The following PBX1 variants were observed in gnomAD, a reference collection of about 807,000 sequenced individuals.
PBX1 encodes the protein PBX homeobox 1, also known as pre-B-cell leukemia transcription factor 1.
PBX1 carries 6 observed loss-of-function variants against 53.4 expected under a neutral mutation model. That is an observed-to-expected ratio of 0.11 (90% CI 0.06 to 0.22). The LOEUF is 0.22. Ranked by LOEUF, PBX1 falls within the 10% of genes least tolerant of loss-of-function variation. PBX1 has a pLI of 1.00. For synonymous variants in PBX1, 204 were observed against 212.3 expected (o/e 0.96, Z 0.34); for missense variants, 251 against 551.4 (o/e 0.46, Z 5.46).
intron 3 of PBX1, among the ~76,000 whole-genome samples, chr1:164,793,863 T>TTTTTTTCC (rs142630209): frequency 7.7e-6 from 1 of 129,812 alleles, no homozygotes; most frequent in African/African-American, 3.1e-5. Context: ...TTTCTTTTTT[T>TTTTTTTCC]TTTCCTTTCT....
chr1:164,590,109 A>T (rs1655259322), intron 2 of PBX1, among the ~76,000 whole-genome samples: 1 of 151,482 alleles, frequency 6.6e-6, no homozygotes, highest in Admixed American at 6.6e-5. Context: ...GCTACTCGGG[A>T]GGCTGAGGTG....
intron 2 of PBX1, among the ~76,000 whole-genome samples, chr1:164,743,654 T>TA: frequency 6.6e-6 from 1 of 152,110 alleles, no homozygotes; most frequent in South Asian, 2.1e-4. Context: ...AAAATAAAAT[T>TA]AAAAAATGGT....
At chr1:164,870,210 TTTC>T (rs1438086574) in intron 2 of PBX1, among the ~76,000 whole-genome samples, 4 of 64,514 alleles carry the variant, frequency 6.2e-5, no homozygotes, top group South Asian at 5.6e-4. Context: ...CTTTCTTTCT[TTTC>T]TTTCTTTCCT....
At chr1:164,854,096 A>T (rs1571533215), downstream of PBX1, 1 of 151,846 alleles carries the variant, frequency 6.6e-6, no homozygotes, top group Non-Finnish European at 1.5e-5. Flanking sequence ...AGTAGAGACG[A>T]GGTCTCACCA....
intron 2 of PBX1, among the ~76,000 whole-genome samples, chr1:164,729,391 A>G (rs1205233936): frequency 6.6e-6 from 1 of 151,694 alleles, no homozygotes; most frequent in African/African-American, 2.4e-5. Flanking sequence ...CCTTATCTTT[A>G]TCATCCAAAA....
chr1:164,678,815 A>G (rs1166211359), intron 2 of PBX1, among the ~76,000 whole-genome samples: 2 of 152,158 alleles, frequency 1.3e-5, no homozygotes, highest in Non-Finnish European at 2.9e-5. Context: ...TCGGCATGGT[A>G]GTTTTATGAA....
intron 2 of PBX1, among the ~76,000 whole-genome samples, chr1:164,631,313 G>A (rs570271982): frequency 6.1e-5 from 9 of 146,764 alleles, no homozygotes; most frequent in African/African-American, 2.3e-4. Flanking sequence ...AGTATTCAAA[G>A]TGCTTTCTGA....
chr1:164,843,408 C>A (rs1671403451), intron 8 of PBX1, among the ~76,000 whole-genome samples: 1 of 152,104 alleles, frequency 6.6e-6, no homozygotes, highest in Admixed American at 6.5e-5. Context: ...CCAAAAGTCT[C>A]ATTTTGCTCA....
intron 6 of PBX1, chr1:164,819,726 A>G (rs777005871): frequency 3.9e-5 from 7 of 177,516 alleles, no homozygotes; most frequent in Non-Finnish European, 8.3e-5. Context: ...GGCCAACCCT[A>G]GAATTTTAGA....
intron 2 of PBX1, among the ~76,000 whole-genome samples, chr1:164,622,503 T>C (rs766371432): frequency 1.4e-4 from 22 of 152,180 alleles, no homozygotes; most frequent in Non-Finnish European, 2.9e-4. Context: ...GTGACCAAGG[T>C]ATAGCTCACT....
At chr1:164,717,112 T>C (rs1664144816) in intron 2 of PBX1, among the ~76,000 whole-genome samples, 1 of 152,188 alleles carries the variant, frequency 6.6e-6, no homozygotes, top group South Asian at 2.1e-4. Flanking sequence ...CCATTTTCTC[T>C]GCATCTCAGT....
chr1:164,628,281 A>T (rs952321628), intron 2 of PBX1, among the ~76,000 whole-genome samples: 1 of 152,208 alleles, frequency 6.6e-6, no homozygotes, highest in South Asian at 2.1e-4. Context: ...GATACTTTAG[A>T]AGCATATTTT....
chr1:164,659,801 G>A (rs114908844), intron 2 of PBX1, among the ~76,000 whole-genome samples: 1 of 152,346 alleles, frequency 6.6e-6, no homozygotes, highest in African/African-American at 2.4e-5. Context: ...GGTAGCAGCA[G>A]AATCGAGGGT....
intron 2 of PBX1, among the ~76,000 whole-genome samples, chr1:164,726,208 T>G (rs192810817): frequency 1.4e-4 from 21 of 152,358 alleles, no homozygotes; most frequent in Non-Finnish European, 2.6e-4. Context: ...AACGTTTTGG[T>G]CAACCCACGG....
chr1:164,588,581 G>A (rs1655124120), intron 2 of PBX1, among the ~76,000 whole-genome samples: 1 of 146,294 alleles, frequency 6.8e-6, no homozygotes, highest in African/African-American at 2.5e-5. Flanking sequence ...AAAGCAATGA[G>A]TTTCATCTGT....
chr1:164,811,821 G>A (rs1000355804), intron 5 of PBX1, among the ~76,000 whole-genome samples, 169 bp from the exon 6 acceptor site: 1 of 152,122 alleles, frequency 6.6e-6, no homozygotes, highest in Admixed American at 6.5e-5. Flanking sequence ...TTATGTAGTT[G>A]TCCTTTTGAA....
Position 164,847,347 on chromosome 1 carries a change from T to A in PBX1, c.*671T>A. The A allele has an allele frequency of 9.4e-7, 1 of 1,064,960 alleles. No individual in the cohort carries two copies. The highest frequency in any genetic ancestry group is 1.1e-6 in the Non-Finnish European group (1 of 879,062). The allele number at this position is 1,064,960 out of a possible 1,614,324, so 66.0% of individuals were successfully genotyped here. A position where few individuals can be genotyped will look rare whatever the true frequency, so the allele number is the denominator to read the frequency against. On this transcript the variant is annotated 3_prime_UTR_variant, in exon 9 of 9. Coordinates refer to ENST00000420696, the MANE Select transcript of PBX1 (RefSeq NM_002585.4). ...TCTAAAGGTGCCACATTTTTCAGTT[T>A]CATCTCCACTAGGTTGGTTCCCGGG...
At chr1:164,781,104 A>G (rs1667913414) in intron 2 of PBX1, among the ~76,000 whole-genome samples, 1 of 152,152 alleles carries the variant, frequency 6.6e-6, no homozygotes, top group African/African-American at 2.4e-5. Context: ...GTGGTGATGG[A>G]TCATCCACAT....
chr1:164,828,924 T>C (rs1375240169), intron 8 of PBX1: 2 of 152,198 alleles, frequency 1.3e-5, no homozygotes, highest in African/African-American at 2.4e-5. Context: ...GTTTTAAAAT[T>C]GGTAATTTTT....
Sources: gnomAD v4.1 joint callset for allele counts (sites outside exome capture counted in the v4.1 genomes callset) on GRCh38, gnomAD v4.1.1 for gene constraint, MANE v1.5 for transcripts, NCBI Gene and HGNC (gene_info 2026-07-23, HGNC 2026-07-21) for gene names.